The following PRKCA variants were observed in gnomAD, a reference collection of about 807,000 sequenced individuals.
PRKCA encodes the protein protein kinase C alpha, also known as protein kinase C alpha type.
A neutral mutation model predicts 87.0 loss-of-function variants in PRKCA; 27 were observed. The observed-to-expected ratio is 0.31, with a 90% CI of 0.23 to 0.43. The LOEUF is 0.43. Among genes scored for constraint, PRKCA ranks in the 20% least tolerant of loss-of-function variants. The probability of loss-of-function intolerance (pLI) is 1.00; values close to 1 mark genes in which losing one functional copy is unlikely to be tolerated. For synonymous variants in PRKCA, 329 were observed against 311.1 expected, an observed-to-expected ratio of 1.06 and a Z score of -0.61; for missense variants, 518 against 852.3, an observed-to-expected ratio of 0.61 and a Z score of 4.88.
chr17:66,779,479 C>A (rs570673620), intron 14 of PRKCA, among the ~76,000 whole-genome samples: 2 of 152,156 alleles, frequency 1.3e-5, no homozygotes, highest in East Asian at 3.9e-4. Flanking sequence ...GTTATTTATG[C>A]TTTGATTTCA....
chr17:66,339,712 C>T (rs1906923077), intron 2 of PRKCA: 1 of 152,174 alleles, frequency 6.6e-6, no homozygotes, highest in Admixed American at 6.5e-5. Flanking sequence ...TGACTCTCTT[C>T]ACTCTCCCCC....
At chr17:66,377,719 A>C (rs1408422281) in intron 2 of PRKCA, among the ~76,000 whole-genome samples, 1 of 37,176 alleles carries the variant, frequency 2.7e-5, no homozygotes, top group African/African-American at 6.0e-5. Flanking sequence ...ATATATATAT[A>C]TATTTTTTTT....
chr17:66,391,642 T>G (rs565051771), intron 2 of PRKCA, among the ~76,000 whole-genome samples: 46 of 152,350 alleles, frequency 3.0e-4, no homozygotes, highest in African/African-American at 1.1e-3. Flanking sequence ...TTTTACTTTA[T>G]TGGACAAGCA....
At chr17:66,508,485 A>G (rs916087195) in intron 3 of PRKCA, among the ~76,000 whole-genome samples, 3 of 152,140 alleles carry the variant, frequency 2.0e-5, no homozygotes, top group African/African-American at 7.2e-5. Flanking sequence ...CCACCCACGT[A>G]CATCACTGTC....
intron 5 of PRKCA, among the ~76,000 whole-genome samples, chr17:66,674,155 G>C (rs1302664496): frequency 6.6e-6 from 1 of 152,216 alleles, no homozygotes; most frequent in East Asian, 1.9e-4. Flanking sequence ...CTGGGGATGC[G>C]AGGGGGTGTG....
At chr17:66,574,150 G>T (rs923434304) in intron 3 of PRKCA, among the ~76,000 whole-genome samples, 6 of 152,150 alleles carry the variant, frequency 3.9e-5, no homozygotes, top group African/African-American at 9.7e-5. Context: ...TGAATTTGGT[G>T]ATATGTATCA....
At chr17:66,474,075 TGAA>T (rs1164815249) in intron 2 of PRKCA, among the ~76,000 whole-genome samples, 2 of 152,252 alleles carry the variant, frequency 1.3e-5, no homozygotes, top group East Asian at 1.9e-4. Flanking sequence ...AAATCATTTA[TGAA>T]GAAGATTATT....
chr17:66,505,839 T>C (rs1015364114), intron 3 of PRKCA, among the ~76,000 whole-genome samples: 6 of 147,880 alleles, frequency 4.1e-5, no homozygotes, highest in African/African-American at 1.2e-4. Flanking sequence ...GCACTTTTAT[T>C]TAATATGCTT....
chr17:66,756,552 T>C (rs1974552240), intron 13 of PRKCA, among the ~76,000 whole-genome samples: 1 of 148,566 alleles, frequency 6.7e-6, no homozygotes, highest in East Asian at 1.9e-4. Context: ...GCACACTAAA[T>C]GGCAAAAAAA....
chr17:66,560,840 T>A (rs576968291), intron 3 of PRKCA, among the ~76,000 whole-genome samples: 2 of 152,334 alleles, frequency 1.3e-5, no homozygotes, highest in African/African-American at 4.8e-5. Flanking sequence ...TGGGCAAGTC[T>A]GGCTGACGGG....
At chr17:66,372,864 C>T (rs1021975908) in intron 2 of PRKCA, among the ~76,000 whole-genome samples, 1 of 152,126 alleles carries the variant, frequency 6.6e-6, no homozygotes, top group Non-Finnish European at 1.5e-5. Flanking sequence ...CGAGACCAGC[C>T]TGCCCAACAC....
At chr17:66,587,621 GATATAGAT>G (rs1176429095) in intron 3 of PRKCA, among the ~76,000 whole-genome samples, 5 of 150,044 alleles carry the variant, frequency 3.3e-5, no homozygotes, top group South Asian at 4.2e-4. Flanking sequence ...TGATTAGATA[GATATAGAT>G]ATATAGATAT....
intron 2 of PRKCA, among the ~76,000 whole-genome samples, chr17:66,324,465 A>AT (rs1905859638): frequency 1.3e-5 from 2 of 150,674 alleles, no homozygotes; most frequent in African/African-American, 4.9e-5. Flanking sequence ...AAAAAAAAAA[A>AT]AGCTGGGCAT....
chr17:66,802,716 A>G (rs1300316447), intron 16 of PRKCA, among the ~76,000 whole-genome samples: 1 of 152,146 alleles, frequency 6.6e-6, no homozygotes, highest in East Asian at 1.9e-4. Context: ...CTTGGGCAGG[A>G]GGTGTGATTG....
At chr17:66,781,142 C>A (rs1027413539) in intron 14 of PRKCA, among the ~76,000 whole-genome samples, 4 of 152,122 alleles carry the variant, frequency 2.6e-5, no homozygotes, top group African/African-American at 9.7e-5. Context: ...CTCCAGGGAG[C>A]TTTTCTGAAT....
At chr17:66,402,813 A>G (rs1484554900) in intron 2 of PRKCA, among the ~76,000 whole-genome samples, 2 of 152,368 alleles carry the variant, frequency 1.3e-5, no homozygotes, top group East Asian at 3.9e-4. Context: ...AGACACTGGA[A>G]GAGATGGGCT....
At chr17:66,381,070 G>A (rs941535865) in intron 2 of PRKCA, among the ~76,000 whole-genome samples, 9 of 151,712 alleles carry the variant, frequency 5.9e-5, no homozygotes, top group Non-Finnish European at 7.4e-5. Flanking sequence ...CTCCAGAATA[G>A]CAGGGACTAC....
At chr17:66,438,830 C>T (rs1430255995) in intron 2 of PRKCA, among the ~76,000 whole-genome samples, 2 of 152,134 alleles carry the variant, frequency 1.3e-5, no homozygotes, top group Non-Finnish European at 2.9e-5. Context: ...GAAACTAACT[C>T]TCACGAGAAC....
At chr17:66,352,263 T>G (rs949137643) in intron 2 of PRKCA, among the ~76,000 whole-genome samples, 2 of 152,182 alleles carry the variant, frequency 1.3e-5, no homozygotes, top group Non-Finnish European at 2.9e-5. Context: ...CCTTTATTTC[T>G]AATTATTTTC....
Sources: gnomAD v4.1 joint callset for allele counts (sites outside exome capture counted in the v4.1 genomes callset) on GRCh38, gnomAD v4.1.1 for gene constraint, MANE v1.5 for transcripts, NCBI Gene and HGNC (gene_info 2026-07-23, HGNC 2026-07-21) for gene names.